FRMPD1: variants seen among roughly 807,000 people sequenced by gnomAD.
The protein encoded by FRMPD1 is FERM and PDZ domain-containing protein 1.
FRMPD1 carries 76 observed loss-of-function variants against 117.8 expected under a neutral mutation model. The observed-to-expected ratio is 0.65, with a 90% CI of 0.54 to 0.78. The LOEUF is 0.78. Ranked by LOEUF, FRMPD1 falls within the 30% of genes least tolerant of loss-of-function variation. FRMPD1 has a pLI of 0.00. For synonymous variants in FRMPD1, 783 were observed against 770.4 expected, an observed-to-expected ratio of 1.02 and a Z score of -0.27; for missense variants, 1,786 against 1,964.5, an observed-to-expected ratio of 0.91 and a Z score of 1.72.
In FRMPD1 at chr9:37,667,062, C is replaced by CTTTTTTTTTTTTT. The variant is rs573955616; in HGVS notation, c.-5+15972_-5+15984dup. On this transcript the variant is annotated intron_variant, in intron 1 of 15. Coordinates refer to ENST00000377765, the MANE Select transcript of FRMPD1 (RefSeq NM_014907.3). ...GGAAAAGAGAGACAATTGAAGCATG[C>CTTTTTTTTTTTTT]TTTTTTTTTTTTTTTTCCTGAGACA... Among the ~76,000 whole-genome samples, 935 of 110,838 alleles carry CTTTTTTTTTTTTT rather than the reference C, an allele frequency of 8.4e-3. 70 individuals carry two copies. Among genetic ancestry groups the CTTTTTTTTTTTTT allele is most frequent in the East Asian group, 0.024 (90 of 3,786 alleles). The allele number at this position is 110,838 out of a possible 152,430, so 72.7% of individuals were successfully genotyped here. A position where few individuals can be genotyped will look rare whatever the true frequency, so the allele number is the denominator to read the frequency against.
At chr9:37,705,335 T>C (rs1822666475) in intron 2 of FRMPD1, among the ~76,000 whole-genome samples, 1 of 152,212 alleles carries the variant, frequency 6.6e-6, no homozygotes, top group Admixed American at 6.5e-5. Context: ...AAATTGTTTG[T>C]TTGTTTGTTT....
At chr9:37,673,805 C>T (rs1210123932) in intron 1 of FRMPD1, among the ~76,000 whole-genome samples, 1 of 152,246 alleles carries the variant, frequency 6.6e-6, no homozygotes, top group Non-Finnish European at 1.5e-5. Context: ...CCAAGCTGTA[C>T]ATTGGCCCCT....
At chr9:37,728,396 AG>A (rs1823707238) in intron 7 of FRMPD1, among the ~76,000 whole-genome samples, 1 of 152,210 alleles carries the variant, frequency 6.6e-6, no homozygotes. Context: ...CCTCTCTAAG[AG>A]GTGACATTTG....
At chr9:37,642,200 G>T in the FRMPD1 span, among the ~76,000 whole-genome samples, 6 of 152,224 alleles carry the variant, frequency 3.9e-5, no homozygotes, top group African/African-American at 1.4e-4. Flanking sequence ...CTATCTGGAT[G>T]ATCTTGAGCA....
intron 5 of FRMPD1, among the ~76,000 whole-genome samples, chr9:37,713,385 C>T (rs1210766112): frequency 3.3e-5 from 5 of 151,942 alleles, no homozygotes; most frequent in Admixed American, 2.0e-4. Flanking sequence ...CTGAGGGTGG[C>T]GGATAGCTTG....
chr9:37,711,474 C>CTTACTTTATGAGGGAT, intron 5 of FRMPD1, 79 bp downstream of exon 5: 1 of 1,108,410 alleles, frequency 9.0e-7, no homozygotes, highest in Non-Finnish European at 1.4e-6. Flanking sequence ...GGATATCCCT[C>CTTACTTTATGAGGGAT]ATAAAGTAAG....
chr9:37,733,451 T>A, intron 10 of FRMPD1, 22 bp from the exon 11 acceptor site: 1 of 1,608,348 alleles, frequency 6.2e-7, no homozygotes, highest in Non-Finnish European at 8.5e-7. Context: ...TGGGCCTCCT[T>A]GTCTCCAATG....
intron 2 of FRMPD1, among the ~76,000 whole-genome samples, chr9:37,701,236 A>G (rs1822517669): frequency 6.6e-6 from 1 of 152,150 alleles, no homozygotes; most frequent in Non-Finnish European, 1.5e-5. Context: ...ACCCTGTAGT[A>G]AGGTTTGTTC....
At chr9:37,662,515 G>T (rs1242139736) in intron 1 of FRMPD1, among the ~76,000 whole-genome samples, 3 of 152,224 alleles carry the variant, frequency 2.0e-5, no homozygotes, top group Non-Finnish European at 4.4e-5. Flanking sequence ...GAATGCTGTG[G>T]TAGGGAATAC....
intron 1 of FRMPD1, among the ~76,000 whole-genome samples, chr9:37,687,472 T>G (rs1053620366): frequency 5.9e-5 from 9 of 152,210 alleles, no homozygotes; most frequent in African/African-American, 2.2e-4. Context: ...TTAATATCAA[T>G]ATCCTAGAAT....
In FRMPD1 at chr9:37,743,090, T is replaced by C. The variant is rs542206237; in HGVS notation, c.2357-1299T>C. On this transcript the variant is annotated intron_variant, in intron 15 of 15. Transcript: ENST00000377765. ...CTCAAGTGCTAGGCTCTGATCCTAA[T>C]TCCTTCTGGCTGATTCCCAAGGGTT... 1.3e-3 allele frequency among the ~76,000 whole-genome samples: 205 copies of C among 152,310 alleles called. 1 individual carries two copies. The highest frequency in any genetic ancestry group is 4.6e-3 in the African/African-American group (192 of 41,562).
Position 37,708,445 on chromosome 9 carries a change from A to G in FRMPD1, c.306A>G (p.Gln102=), listed in dbSNP as rs765664546. The stretch of plus-strand genomic sequence containing the variant: ...TTTTCCCTGGTGATCAGATCCTCCA[A>G]ATGAACAATGAGCCTGCTGAAGACC... ...GKLFPGDQIL[Q]MNNEPAEDLS... The change falls in exon 4 of 16, where the codon CAA becomes CAG. Residue 102 remains glutamine (Q), a synonymous_variant. Transcript: ENST00000377765. 4 of 1,613,678 alleles carry G rather than the reference A, an allele frequency of 2.5e-6. No individual in the cohort carries two copies. The East Asian group carries it at 8.9e-5, about 36-fold the overall frequency.
chr9:37,607,529 T>C, the FRMPD1 span, among the ~76,000 whole-genome samples: 1 of 152,202 alleles, frequency 6.6e-6, no homozygotes, highest in African/African-American at 2.4e-5. Context: ...ATCCTTGTGG[T>C]TGTGTTGCCA....
the FRMPD1 span, among the ~76,000 whole-genome samples, chr9:37,609,951 T>C: frequency 1.3e-3 from 200 of 152,274 alleles, 2 homozygotes; most frequent in Non-Finnish European, 4.3e-4. Context: ...TGGAGCTGCC[T>C]CTCTTTCAGG....
chr9:37,716,005 C>T (rs188287684), intron 5 of FRMPD1, among the ~76,000 whole-genome samples: 1 of 152,162 alleles, frequency 6.6e-6, no homozygotes, highest in African/African-American at 2.4e-5. Flanking sequence ...CCTGAATTTT[C>T]ACTTCTCTGA....
intron 14 of FRMPD1, 123 bp downstream of exon 14, chr9:37,737,366 C>A: frequency 1.4e-6 from 1 of 725,584 alleles, no homozygotes; most frequent in Non-Finnish European, 2.3e-6. Context: ...TGGATGAGAG[C>A]TATTTCTCTG....
chr9:37,729,715 CT>C lies in FRMPD1; in HGVS notation c.613-12del. ...TTTCTTGCGTAACTCCTGCACCTCT[CT>C]GTGCCTGCTAGGACATCATCCTCAC... On this transcript the variant is annotated splice_polypyrimidine_tract_variant and intron_variant, in intron 7 of 15. Coordinates refer to ENST00000377765, the MANE Select transcript of FRMPD1 (RefSeq NM_014907.3). The C allele has an allele frequency of 1.2e-6, 2 of 1,613,232 alleles. No homozygotes were observed. Among genetic ancestry groups the C allele is most frequent in the Non-Finnish European group, 1.7e-6 (2 of 1,179,548 alleles).
At position 37,740,943 on chromosome 9, in the gene FRMPD1, G is replaced by A. The variant is rs763914068; in HGVS notation, c.2356+59G>A. On this transcript the variant is annotated intron_variant, in intron 15 of 15. Coordinates refer to ENST00000377765, the MANE Select transcript of FRMPD1 (RefSeq NM_014907.3). The surrounding 1 kb of genome is among the most constrained non-coding windows in gnomAD (Gnocchi z 4.2). Reference sequence around the variant, plus strand: ...AGGCAGCTCCTGAGTGCCTCCCGGGGATCAAGGCCTGGGGCCAAGCTTGAG... The same window carrying A: ...AGGCAGCTCCTGAGTGCCTCCCGGGAATCAAGGCCTGGGGCCAAGCTTGAG... 4.5e-6 allele frequency: 6 copies of A among 1,336,956 alleles called. No individual in the cohort carries two copies. Among genetic ancestry groups the A allele is most frequent in the South Asian group, 2.4e-5 (2 of 84,886 alleles). 82.8% of individuals were successfully genotyped at this position (1,336,956 alleles called of 1,614,324 possible). A position where few individuals can be genotyped will look rare whatever the true frequency, so the allele number is the denominator to read the frequency against.
the FRMPD1 span, among the ~76,000 whole-genome samples, chr9:37,616,616 C>T: frequency 6.6e-6 from 1 of 152,144 alleles, no homozygotes; most frequent in African/African-American, 2.4e-5. Flanking sequence ...AGAAATATCA[C>T]ATAATACTGT....
Sources: allele counts gnomAD v4.1 joint callset (sites outside exome capture counted in the v4.1 genomes callset), GRCh38; gene constraint gnomAD v4.1.1; non-coding constraint Gnocchi (gnomAD v3.1); transcripts MANE v1.5; gene names NCBI Gene and HGNC (gene_info 2026-07-23, HGNC 2026-07-21).